The following HDAC6 variants were observed in gnomAD, a reference collection of about 807,000 sequenced individuals.
The protein encoded by HDAC6 is histone deacetylase 6.
In HDAC6, 5 loss-of-function variants were observed where a neutral mutation model predicts 88.9. The ratio of observed to expected loss-of-function variants is 0.06; its 90% CI spans 0.03 to 0.12. HDAC6 has a LOEUF of 0.12. HDAC6 is among the 10% of genes least tolerant of loss of function. The pLI is 1.00. For missense variants in HDAC6, 706 were observed against 1,014.4 expected (o/e 0.70, Z 4.13); for synonymous variants, 378 against 398.0 (o/e 0.95, Z 0.60).
intron 22 of HDAC6, 26 bp downstream of exon 22, chrX:48,818,438 C>A: frequency 8.9e-7 from 1 of 1,118,048 alleles, no homozygotes; most frequent in Non-Finnish European, 1.2e-6. Flanking sequence ...GATCGCAGGA[C>A]GTATGTGACA....
rs182847687 is a variant in HDAC6 at position 48,814,699 on chromosome X, A to G, written c.958A>G (p.Ile320Val). 1.2e-5 allele frequency: 14 copies of G among 1,209,644 alleles called. No homozygotes were observed. The highest frequency in any genetic ancestry group is 3.5e-5 in the South Asian group (2 of 56,674). The change falls in exon 12 of 29, where the codon ATT becomes GTT. Residue 320 changes from isoleucine (I) to valine (V), a missense_variant. Physicochemically the swap from Ile to Val is conservative, Grantham distance 29 (BLOSUM62 3). Coordinates refer to ENST00000334136, the MANE Select transcript of HDAC6 (RefSeq NM_006044.4). ...GGTGGGGATGCGGGATGCTGACTAC[A>G]TTGCTGCTTTCCTGCACGTCCTGCT... ...NQVGMRDADY[I>V]AAFLHVLLPV...
At position 48,817,355 on chromosome X, in the gene HDAC6, C is replaced by T. The variant is rs147417858; in HGVS notation, c.1821C>T (p.Pro607=). The part of the protein sequence containing the change: ...EVLNGAAVVR[P]PGHHAEQDAA... ...TGAATGGTGCTGCTGTGGTGCGTCC[C>T]CCAGGACACCACGCAGAGCAGGATG... Residue 607 remains proline (P), a synonymous_variant, in exon 20 of 29, where the codon CCC becomes CCT. Transcript: ENST00000334136. 16 of 1,210,765 alleles carry T rather than the reference C, an allele frequency of 1.3e-5. No homozygotes were observed. Among genetic ancestry groups the T allele is most frequent in the Admixed American group, 8.7e-5 (4 of 46,082 alleles).
At position 48,806,664 on chromosome X, in the gene HDAC6, C is replaced by T. The variant is rs868973122; in HGVS notation, c.590C>T (p.Ala197Val). ...ASGSVLRLVDAVLGAEIRNGM... is the reference protein window; with the variant it reads ...ASGSVLRLVDVVLGAEIRNGM... Reference sequence around the variant, plus strand: ...GGCTCTGTCCTCAGGCTGGTGGATGCGGTCCTGGGGGCTGAGATCCGGAAT... The same window carrying T: ...GGCTCTGTCCTCAGGCTGGTGGATGTGGTCCTGGGGGCTGAGATCCGGAAT... The change falls in exon 8 of 29, where the codon GCG becomes GTG. Residue 197 changes from alanine (A) to valine (V), a missense_variant. Ala to Val is a moderately conservative substitution (Grantham distance 64). Coordinates refer to ENST00000334136, the MANE Select transcript of HDAC6 (RefSeq NM_006044.4). 6 of 1,206,756 alleles carry T rather than the reference C, an allele frequency of 5.0e-6. No individual in the cohort carries two copies. The highest frequency in any genetic ancestry group is 1.8e-5 in the South Asian group (1 of 56,688).
chrX:48,816,689 C>A, intron 19 of HDAC6, 56 bp downstream of exon 19: 1 of 1,089,160 alleles, frequency 9.2e-7, no homozygotes, highest in South Asian at 2.1e-5. Context: ...AAAAAGAGAG[C>A]CATCTGCTGT....
At position 48,808,341 on chromosome X, in the gene HDAC6, C is replaced by T; in HGVS notation, c.806+15C>T. On this transcript the variant is annotated intron_variant, in intron 10 of 28. Coordinates refer to ENST00000334136, the MANE Select transcript of HDAC6 (RefSeq NM_006044.4). ...CAGGACCCCAGGTATACCCCGACTC[C>T]CACCTAGGTGCTAGACTCCCAGCCA... The T allele has an allele frequency of 8.6e-7, 1 of 1,169,164 alleles. No homozygotes were observed. Among genetic ancestry groups the T allele is most frequent in the Non-Finnish European group, 1.2e-6 (1 of 861,710 alleles).
chrX:48,803,108 C>CA lies in HDAC6; in HGVS notation c.223-20_223-19insA. 3 of 1,030,957 alleles carry CA rather than the reference C, an allele frequency of 2.9e-6. No individual in the cohort carries two copies. The highest frequency in any genetic ancestry group is 3.5e-5 in the East Asian group (1 of 28,797). 85.0% of individuals were successfully genotyped at this position (1,030,957 alleles called of 1,213,427 possible). On this transcript the variant is annotated intron_variant, in intron 3 of 28. Coordinates refer to ENST00000334136, the MANE Select transcript of HDAC6 (RefSeq NM_006044.4). ...AGGGCCTAAAATGGATCTGTGTCTC[C>CA]TTTTTTTTTTCCTCTGCAGGATCTG...
chrX:48,815,791 C>T (rs2062974877), intron 16 of HDAC6, 93 bp from the exon 17 acceptor site: 2 of 1,073,310 alleles, frequency 1.9e-6, no homozygotes, highest in Non-Finnish European at 2.5e-6. Context: ...TTTCAGGCCT[C>T]CCACCCCTTT....
rs782535626 is a variant in HDAC6 at position 48,805,422 on chromosome X, G to C, written c.312-16G>C. 5 of 1,180,951 alleles carry C rather than the reference G, an allele frequency of 4.2e-6. No individual in the cohort carries two copies. In the Admixed American group the frequency reaches 1.1e-4, roughly 26 times the overall value. On this transcript the variant is annotated splice_polypyrimidine_tract_variant and intron_variant, in intron 4 of 28. Transcript: ENST00000334136. ...AGTGTCCTCATGCATCTGTGACTGTGACTCCATCTCCCCAGCTTCCCGGAA... is the reference window on the plus strand; with the variant it reads ...AGTGTCCTCATGCATCTGTGACTGTCACTCCATCTCCCCAGCTTCCCGGAA...
rs149286089 is a variant in HDAC6, at chrX:48,816,595, G to T, written c.1753G>T (p.Ala585Ser). Residue 585 changes from alanine to serine, a missense_variant, in exon 19 of 29, where the codon GCT becomes TCT. Ala to Ser is a moderately conservative substitution (Grantham distance 99, BLOSUM62 1). Coordinates refer to ENST00000334136, the MANE Select transcript of HDAC6 (RefSeq NM_006044.4). ...CGCCTGTGCACAGCTTGCCACTGGCGCTGCCTGCCGCCTGGTGGAGGCTGT... is the reference window on the plus strand; with the variant it reads ...CGCCTGTGCACAGCTTGCCACTGGCTCTGCCTGCCGCCTGGTGGAGGCTGT... ...TFACAQLATG[A>S]ACRLVEAVLS... is the part of the protein sequence containing the mutation. 2 of 1,209,016 alleles carry T rather than the reference G, an allele frequency of 1.7e-6. No individual in the cohort carries two copies. Among genetic ancestry groups the T allele is most frequent in the East Asian group, 3.0e-5 (1 of 33,754 alleles).
chrX:48,823,503 C>T lies in HDAC6; in HGVS notation c.3104C>T (p.Ser1035Leu), dbSNP rs781873237. ...SSTDHQTPPT[S>L]PVQGTTPQIS... ...ACAGACCACCAGACCCCCCCAACCT[C>T]ACCTGTGCAGGGAACTACACCCCAG... Residue 1035 changes from serine (S) to leucine (L), a missense_variant, in exon 25 of 29, where the codon TCA becomes TTA. Around this residue, in one of 9 missense-constraint regions of HDAC6, gnomAD observed 112 missense variants for 95.1 expected, o/e 1.18. Transcript: ENST00000334136. The T allele has an allele frequency of 9.1e-6, 11 of 1,210,722 alleles. No individual in the cohort carries two copies. The highest frequency in any genetic ancestry group is 5.6e-6 in the Non-Finnish European group (5 of 894,875).
chrX:48,801,719 C>A, upstream of HDAC6: 1 of 470,151 alleles, frequency 2.1e-6, no homozygotes, highest in Non-Finnish European at 3.1e-6. Flanking sequence ...AGCACGCCGA[C>A]GCACCGCCCC....
chrX:48,806,562 G>C (rs1557024388), intron 7 of HDAC6, 47 bp from the exon 8 acceptor site: 2 of 1,085,996 alleles, frequency 1.8e-6, no homozygotes, highest in South Asian at 1.9e-5. Flanking sequence ...AGTGGATAGG[G>C]CTGTTCTCTC....
At chrX:48,807,894 A>G in intron 8 of HDAC6, 139 bp from the exon 9 acceptor site, 3 of 469,753 alleles carry the variant, frequency 6.4e-6, no homozygotes, top group Middle Eastern at 5.7e-4. Flanking sequence ...GAGGGCCTCC[A>G]TTACTCAGTT....
rs1557027713 is a variant in HDAC6, at chrX:48,816,512, G to A, written c.1670G>A (p.Arg557Gln). The A allele has an allele frequency of 1.1e-5, 13 of 1,207,233 alleles. No homozygotes were observed. The highest frequency in any genetic ancestry group is 5.9e-5 in the East Asian group (2 of 33,674). Residue 557 changes from arginine (R) to glutamine (Q), a missense_variant, in exon 19 of 29, where the codon CGG becomes CAG. Physicochemically the swap from Arg to Gln is conservative, Grantham distance 43. Around this residue, in one of 9 missense-constraint regions of HDAC6, gnomAD observed 138 missense variants for 303.5 expected, o/e 0.45. Coordinates refer to ENST00000334136, the MANE Select transcript of HDAC6 (RefSeq NM_006044.4). ...HLRATEKMKTRELHRESSNFD... is the reference protein window; with the variant it reads ...HLRATEKMKTQELHRESSNFD... Reference sequence around the variant, plus strand: ...CGGGCCACAGAGAAAATGAAAACCCGGGAGCTGCACCGTGAGAGTTCCAAC... The same window carrying A: ...CGGGCCACAGAGAAAATGAAAACCCAGGAGCTGCACCGTGAGAGTTCCAAC...
At chrX:48,808,228 C>G in intron 9 of HDAC6, 30 bp from the exon 10 acceptor site, 1 of 1,186,052 alleles carries the variant, frequency 8.4e-7, no homozygotes, top group Non-Finnish European at 1.1e-6. Context: ...GATCTCCTTG[C>G]ACAGAGTCCC....
intron 23 of HDAC6, among the ~76,000 whole-genome samples, chrX:48,821,489 C>G (rs1239460948): frequency 1.0e-5 from 1 of 100,263 alleles, no homozygotes; most frequent in African/African-American, 3.6e-5. Flanking sequence ...CCATACCTGC[C>G]TCTTTTTTTT....
At chrX:48,812,576 CT>C (rs1178100674) in intron 10 of HDAC6, among the ~76,000 whole-genome samples, 3 of 111,888 alleles carry the variant, frequency 2.7e-5, no homozygotes, top group Admixed American at 9.5e-5. Flanking sequence ...CCTGGGGCCC[CT>C]GGAATCTCAA....
Position 48,806,372 on chromosome X carries a change from G to A in HDAC6, c.442G>A (p.Glu148Lys), listed in dbSNP as rs1382710387. 8.6e-7 allele frequency: 1 copy of A among 1,165,681 alleles called. No homozygotes were observed. The highest frequency in any genetic ancestry group is 1.2e-6 in the Non-Finnish European group (1 of 854,626). ...KEELMLVHSL[E>K]YIDLMETTQY... ...TCATCTCCCATCTGTGTCTAGCCTA[G>A]AATATATTGATCTGATGGAAACAAC... The change falls in exon 7 of 29, where the codon GAA becomes AAA. Residue 148 changes from glutamate to lysine, a missense_variant. By Grantham distance (56) the Glu-to-Lys change is moderately conservative. Around this residue, in one of 9 missense-constraint regions of HDAC6, gnomAD observed 193 missense variants for 258.2 expected, o/e 0.75. Transcript: ENST00000334136.
intron 10 of HDAC6, among the ~76,000 whole-genome samples, chrX:48,810,297 G>A (rs782686779): frequency 1.8e-5 from 2 of 109,630 alleles, no homozygotes; most frequent in South Asian, 3.9e-4. Context: ...GACTGGTCTC[G>A]AACTCCTGAC....
Sources: allele counts gnomAD v4.1 joint callset (sites outside exome capture counted in the v4.1 genomes callset), GRCh38; gene constraint gnomAD v4.1.1; regional missense constraint gnomAD v4.1.1; transcripts MANE v1.5; gene names NCBI Gene and HGNC (gene_info 2026-07-23, HGNC 2026-07-21).